GALNT13: variants seen among roughly 807,000 people sequenced by gnomAD.
The protein encoded by GALNT13 is UDP-GalNAc:polypeptide N-acetylgalactosaminyltransferase 13.
GALNT13 carries 28 observed loss-of-function variants against 64.2 expected under a neutral mutation model. The observed-to-expected ratio is 0.44, with a 90% CI of 0.32 to 0.60. The LOEUF (loss-of-function observed/expected upper bound fraction) is 0.60, where lower values mean the gene tolerates loss of function less well. Among genes scored for constraint, GALNT13 ranks in the 20% least tolerant of loss-of-function variants. GALNT13 has a pLI of 0.05. For missense variants in GALNT13, 577 were observed against 669.8 expected, an observed-to-expected ratio of 0.86 and a Z score of 1.53; for synonymous variants, 214 against 224.6, an observed-to-expected ratio of 0.95 and a Z score of 0.42.
At chr2:153,987,925 A>G (rs569800486) in intron 3 of GALNT13, among the ~76,000 whole-genome samples, 4 of 152,046 alleles carry the variant, frequency 2.6e-5, no homozygotes, top group African/African-American at 9.6e-5. Context: ...GTCTGAAACT[A>G]TTCCTACAGT....
chr2:153,871,621 G>C (rs773109652), upstream of GALNT13, among the ~76,000 whole-genome samples: 1 of 152,182 alleles, frequency 6.6e-6, no homozygotes, highest in Non-Finnish European at 1.5e-5. Context: ...GCCCTCCGGC[G>C]AGAGGAGCTG....
At chr2:153,346,982 C>T in the GALNT13 span, among the ~76,000 whole-genome samples, 2 of 152,272 alleles carry the variant, frequency 1.3e-5, no homozygotes, top group East Asian at 3.9e-4. Context: ...AACCGTGGAC[C>T]CCCTTGCTCA....
rs747260790 is a variant in GALNT13, at chr2:154,313,259, TAC to T, written c.1156+11679_1156+11680del. On this transcript the variant is annotated intron_variant, in intron 9 of 12. Transcript: ENST00000392825. Reference sequence around the variant, plus strand: ...ATTTATGCATATGTATATATATATATACACACACACTAGAACTTAAGTTCTAT... The same window carrying T: ...ATTTATGCATATGTATATATATATATACACACACTAGAACTTAAGTTCTAT... 5.9e-4 allele frequency among the ~76,000 whole-genome samples: 87 copies of T among 148,298 alleles called. 1 individual carries two copies. The highest frequency in any genetic ancestry group is 3.6e-3 in the Middle Eastern group (1 of 276).
intron 4 of GALNT13, among the ~76,000 whole-genome samples, chr2:154,222,333 T>C (rs1230437747): frequency 6.6e-6 from 1 of 152,172 alleles, no homozygotes; most frequent in Non-Finnish European, 1.5e-5. Flanking sequence ...AATGTTTCCC[T>C]ACTTTTCCTC....
At chr2:154,300,099 CTTTTT>C (rs368475927) in intron 8 of GALNT13, among the ~76,000 whole-genome samples, 1 of 117,042 alleles carries the variant, frequency 8.5e-6, no homozygotes, top group Non-Finnish European at 1.7e-5. Context: ...TTCTTTCTCT[CTTTTT>C]TTTTTTTTTT....
chr2:153,918,236 C>T (rs1447500236), intron 2 of GALNT13, among the ~76,000 whole-genome samples: 1 of 151,998 alleles, frequency 6.6e-6, no homozygotes, highest in Non-Finnish European at 1.5e-5. Context: ...TATCTTTCTA[C>T]CACTTGAACT....
chr2:153,531,365 C>T, the GALNT13 span, among the ~76,000 whole-genome samples: 2 of 152,150 alleles, frequency 1.3e-5, no homozygotes, highest in Non-Finnish European at 2.9e-5. Context: ...GGGGGAGATG[C>T]CACACACTTT....
chr2:153,096,319 T>C, the GALNT13 span, among the ~76,000 whole-genome samples: 6 of 152,242 alleles, frequency 3.9e-5, no homozygotes, highest in South Asian at 6.2e-4. Flanking sequence ...ATCCATGTAC[T>C]AAGGAACAGA....
At chr2:154,135,744 C>T (rs967952374) in intron 3 of GALNT13, among the ~76,000 whole-genome samples, 1 of 152,078 alleles carries the variant, frequency 6.6e-6, no homozygotes, top group Non-Finnish European at 1.5e-5. Flanking sequence ...GGGAGGATCC[C>T]TTGAGCCCAG....
the GALNT13 span, among the ~76,000 whole-genome samples, chr2:153,673,396 A>G: frequency 2.6e-5 from 4 of 152,252 alleles, no homozygotes; most frequent in South Asian, 6.2e-4. Flanking sequence ...ATGCAAGGCT[A>G]GTTCAACATA....
chr2:153,974,021 A>G (rs185597474), intron 3 of GALNT13, among the ~76,000 whole-genome samples: 35 of 152,154 alleles, frequency 2.3e-4, no homozygotes, highest in Admixed American at 2.2e-3. Context: ...TTTACTTTGA[A>G]CTAGTTCCTG....
intron 3 of GALNT13, among the ~76,000 whole-genome samples, chr2:154,001,612 T>G (rs1454716944): frequency 2.6e-5 from 4 of 152,010 alleles, no homozygotes; most frequent in African/African-American, 9.7e-5. Context: ...TTACATAATT[T>G]TATATTATAT....
intron 4 of GALNT13, among the ~76,000 whole-genome samples, chr2:154,153,874 T>C (rs1326553451): frequency 1.3e-5 from 2 of 152,214 alleles, no homozygotes; most frequent in Admixed American, 6.5e-5. Flanking sequence ...CCCTGACCCC[T>C]TGCGCTTCCC....
chr2:153,929,639 G>A (rs1431861600), intron 2 of GALNT13, among the ~76,000 whole-genome samples: 2 of 152,082 alleles, frequency 1.3e-5, no homozygotes, highest in African/African-American at 2.4e-5. Flanking sequence ...TTAGGACAAT[G>A]GCCTCCAGCT....
chr2:154,137,918 A>T (rs983764369), intron 3 of GALNT13, among the ~76,000 whole-genome samples: 2 of 151,790 alleles, frequency 1.3e-5, no homozygotes, highest in Non-Finnish European at 1.5e-5. Flanking sequence ...GCTGTTTCTG[A>T]TCTCCCTGTT....
intron 11 of GALNT13, chr2:154,437,568 C>T (rs1701042676): frequency 3.1e-6 from 4 of 1,284,620 alleles, no homozygotes; most frequent in South Asian, 2.5e-5. Flanking sequence ...CTTAATAACC[C>T]TCATGAGGCT....
intron 4 of GALNT13, among the ~76,000 whole-genome samples, chr2:154,154,803 A>G (rs1684302079): frequency 1.3e-5 from 2 of 152,082 alleles, no homozygotes; most frequent in Admixed American, 1.3e-4. Flanking sequence ...GTAAGTAAAA[A>G]TTATCCTAAG....
chr2:153,471,686 C>G, the GALNT13 span, among the ~76,000 whole-genome samples: 2 of 152,112 alleles, frequency 1.3e-5, no homozygotes, highest in Non-Finnish European at 2.9e-5. Context: ...GATTTTCAAG[C>G]CTATGCAATA....
intron 4 of GALNT13, among the ~76,000 whole-genome samples, chr2:154,209,734 A>G (rs1199900327): frequency 2.6e-5 from 4 of 152,178 alleles, no homozygotes; most frequent in Non-Finnish European, 5.9e-5. Flanking sequence ...TAAATTGTTA[A>G]TTGACAAATT....
Sources: gnomAD v4.1 joint callset for allele counts (sites outside exome capture counted in the v4.1 genomes callset) on GRCh38, gnomAD v4.1.1 for gene constraint, MANE v1.5 for transcripts, NCBI Gene and HGNC (gene_info 2026-07-23, HGNC 2026-07-21) for gene names.